Variants in TRABD2A observed in about 807,000 individuals in gnomAD.
TRABD2A encodes the protein metalloprotease TIKI1.
Under a neutral mutation model 45.6 loss-of-function variants are expected in TRABD2A, and 43 were observed. The ratio of observed to expected loss-of-function variants is 0.94; its 90% CI spans 0.74 to 1.22. The LOEUF is 1.22. Ranked by LOEUF, TRABD2A falls within the 50% of genes most tolerant of loss-of-function variation. The pLI is 0.00. For missense variants in TRABD2A, 642 were observed against 652.4 expected, an observed-to-expected ratio of 0.98 and a Z score of 0.17; for synonymous variants, 269 against 265.0, an observed-to-expected ratio of 1.02 and a Z score of -0.15.
At position 84,822,062 on chromosome 2, in the gene TRABD2A, C is replaced by T; in HGVS notation, c.1373G>A (p.Arg458Lys). 1 of 1,588,238 alleles carries T rather than the reference C, an allele frequency of 6.3e-7. No individual in the cohort carries two copies. Among genetic ancestry groups the T allele is most frequent in the Non-Finnish European group, 8.6e-7 (1 of 1,167,388 alleles). The change falls in exon 7 of 7, where the codon AGG becomes AAG. Residue 458 changes from arginine (R) to lysine (K), a missense_variant. Transcript: ENST00000409520. ...GAGCCGCAGTTCAGTGGAGATGTGC[C>T]TGTCCAGGACAGGGACCTGGAGTTG... ...VPQLQVPVLD[R>K]HISTELRLPR...
chr2:84,848,411 CAG>C (rs1322129239), intron 2 of TRABD2A, among the ~76,000 whole-genome samples: 5 of 145,426 alleles, frequency 3.4e-5, no homozygotes, highest in African/African-American at 5.2e-5. Context: ...GACAGACAGA[CAG>C]ATAGATAGTC....
At chr2:84,852,303 G>A (rs1209945420) in intron 2 of TRABD2A, among the ~76,000 whole-genome samples, 3 of 152,214 alleles carry the variant, frequency 2.0e-5, no homozygotes, top group Non-Finnish European at 4.4e-5. Context: ...ACCCAGGACA[G>A]ACCAATGCAG....
At chr2:84,825,260 A>C (rs180901439) in intron 5 of TRABD2A, among the ~76,000 whole-genome samples, 42 of 152,284 alleles carry the variant, frequency 2.8e-4, no homozygotes, top group South Asian at 1.9e-3. Context: ...GGAACCATCT[A>C]CCTTACCAGA....
At chr2:84,844,617 C>T (rs1203836371) in intron 2 of TRABD2A, among the ~76,000 whole-genome samples, 1 of 152,202 alleles carries the variant, frequency 6.6e-6, no homozygotes, top group East Asian at 1.9e-4. Flanking sequence ...GTATAAGCCC[C>T]TGCATTCTAA....
At chr2:84,880,406 G>C (rs963745741) in intron 1 of TRABD2A, among the ~76,000 whole-genome samples, 2 of 152,192 alleles carry the variant, frequency 1.3e-5, no homozygotes, top group African/African-American at 4.8e-5. Context: ...CCCCCGCTGA[G>C]TGTCAGTTTC....
intron 4 of TRABD2A, chr2:84,833,477 T>G (rs1488419524): frequency 6.6e-6 from 1 of 152,192 alleles, no homozygotes; most frequent in Non-Finnish European, 1.5e-5. Context: ...AAAGGTGATT[T>G]CCATTTCTAA....
intron 2 of TRABD2A, among the ~76,000 whole-genome samples, chr2:84,862,168 T>C (rs1682521388): frequency 6.6e-6 from 1 of 152,196 alleles, no homozygotes. Context: ...AGGATCCCAG[T>C]ACAACTTGGC....
At chr2:84,879,520 C>A in intron 1 of TRABD2A, 3 of 902,576 alleles carry the variant, frequency 3.3e-6, no homozygotes, top group Non-Finnish European at 4.0e-6. Context: ...GTCCTGAGAC[C>A]AAAAGGTAGG....
At chr2:84,848,814 T>C (rs923429040) in intron 2 of TRABD2A, among the ~76,000 whole-genome samples, 6 of 151,968 alleles carry the variant, frequency 3.9e-5, no homozygotes, top group Non-Finnish European at 8.8e-5. Context: ...CCTCAAGTGA[T>C]CCACCCAACT....
At chr2:84,879,235 G>C (rs992880257) in intron 1 of TRABD2A, among the ~76,000 whole-genome samples, 1 of 150,284 alleles carries the variant, frequency 6.7e-6, no homozygotes, top group Non-Finnish European at 1.5e-5. Context: ...CCAAGCTGGA[G>C]TGCAGTGGCA....
In TRABD2A at chr2:84,822,944, C is replaced by T. The variant is rs113539860; in HGVS notation, c.1335-844G>A. Among the ~76,000 whole-genome samples, 629 of 152,318 alleles carry T rather than the reference C, an allele frequency of 4.1e-3. 3 individuals carry two copies. The highest frequency in any genetic ancestry group is 0.014 in the African/African-American group (586 of 41,568). ...AATTACTTTATCTCAGCTTCTTTAA[C>T]GCAATCGTTCCCTCCAACCAGGCTT... On this transcript the variant is annotated intron_variant, in intron 6 of 6. Coordinates refer to ENST00000409520, the MANE Select transcript of TRABD2A (RefSeq NM_001277053.2).
intron 2 of TRABD2A, among the ~76,000 whole-genome samples, chr2:84,859,660 A>G (rs1485039708): frequency 6.6e-6 from 1 of 152,188 alleles, no homozygotes; most frequent in African/African-American, 2.4e-5. Flanking sequence ...AGGGACCAAG[A>G]ATAGGACCCA....
chr2:84,829,378 A>G (rs1030912902), intron 5 of TRABD2A, among the ~76,000 whole-genome samples: 1 of 149,252 alleles, frequency 6.7e-6, no homozygotes, highest in Non-Finnish European at 1.5e-5. Context: ...ACACACACAC[A>G]CACACACACA....
rs534782823 is a variant in TRABD2A at position 84,880,965 on chromosome 2, C to A, written c.75G>T (p.Ala25=). 19 of 1,599,838 alleles carry A rather than the reference C, an allele frequency of 1.2e-5. No individual in the cohort carries two copies. The South Asian group carries it at 1.4e-4, about 11-fold the overall frequency. ...LPTGAASRRG[A]PGTANCELKP... Reference sequence around the variant, plus strand: ...TGAGCTCGCAGTTGGCGGTGCCGGGCGCCCCGCGCCGCGAAGCTGCGCCCG... The same window carrying A: ...TGAGCTCGCAGTTGGCGGTGCCGGGAGCCCCGCGCCGCGAAGCTGCGCCCG... The change falls in exon 1 of 7, where the codon GCG becomes GCT. Residue 25 remains alanine (A), a synonymous_variant. Transcript: ENST00000409520.
chr2:84,852,412 G>T (rs571715506), intron 2 of TRABD2A, among the ~76,000 whole-genome samples: 1 of 151,964 alleles, frequency 6.6e-6, no homozygotes, highest in Admixed American at 6.6e-5. Flanking sequence ...GTTACGGGAG[G>T]AATGCCAGCA....
intron 5 of TRABD2A, among the ~76,000 whole-genome samples, chr2:84,826,215 G>A (rs1681141418): frequency 6.6e-6 from 1 of 152,166 alleles, no homozygotes; most frequent in African/African-American, 2.4e-5. Flanking sequence ...GTGTTCTATG[G>A]TTTGAAACAG....
At chr2:84,867,695 G>C (rs144716964) in intron 2 of TRABD2A, among the ~76,000 whole-genome samples, 1 of 151,990 alleles carries the variant, frequency 6.6e-6, no homozygotes, top group African/African-American at 2.4e-5. Context: ...ATCTGACAAA[G>C]GGCTAATATC....
At chr2:84,862,957 A>G (rs895071362) in intron 2 of TRABD2A, among the ~76,000 whole-genome samples, 2 of 152,166 alleles carry the variant, frequency 1.3e-5, no homozygotes, top group Non-Finnish European at 2.9e-5. Context: ...AATAACTGCA[A>G]AAGACACTCC....
chr2:84,840,291 T>A (rs560412304), intron 3 of TRABD2A, among the ~76,000 whole-genome samples: 200 of 152,308 alleles, frequency 1.3e-3, no homozygotes, highest in South Asian at 6.2e-3. Context: ...TCTTTTTTTT[T>A]AATCATGTCA....
Sources: allele counts gnomAD v4.1 joint callset (sites outside exome capture counted in the v4.1 genomes callset), GRCh38; gene constraint gnomAD v4.1.1; transcripts MANE v1.5; gene names NCBI Gene and HGNC (gene_info 2026-07-23, HGNC 2026-07-21).